Variants in MAML3 observed in about 807,000 individuals in gnomAD.
MAML3 encodes the protein mastermind-like protein 3.
In MAML3, 27 loss-of-function variants were observed where a neutral mutation model predicts 101.9. The ratio of observed to expected loss-of-function variants is 0.27; its 90% CI spans 0.20 to 0.37. MAML3 has a LOEUF of 0.37. MAML3 is among the 10% of genes least tolerant of loss of function. The pLI is 1.00. For synonymous variants in MAML3, 501 were observed against 555.9 expected, an observed-to-expected ratio of 0.90 and a Z score of 1.39; for missense variants, 1,316 against 1,444.9, an observed-to-expected ratio of 0.91 and a Z score of 1.45.
chr4:139,734,021 C>CG, intron 2 of MAML3, among the ~76,000 whole-genome samples: 1 of 152,316 alleles, frequency 6.6e-6, no homozygotes, highest in South Asian at 2.1e-4. Context: ...GACTGCCTTC[C>CG]ATACGAAACA....
At chr4:139,795,135 T>C (rs2111096032) in intron 2 of MAML3, among the ~76,000 whole-genome samples, 1 of 152,338 alleles carries the variant, frequency 6.6e-6, no homozygotes, top group African/African-American at 2.4e-5. Context: ...AGCATGTCAA[T>C]AACCCATCCT....
chr4:139,863,033 CCAGCTACTCAGGAGG>C lies in MAML3; in HGVS notation c.2079+26309_2079+26323del, dbSNP rs1346236567. 5.3e-5 allele frequency among the ~76,000 whole-genome samples: 8 copies of C among 151,554 alleles called. No homozygotes were observed. In the South Asian group the frequency reaches 6.3e-4, roughly 12 times the overall value. On this transcript the variant is annotated intron_variant, in intron 2 of 4. Transcript: ENST00000509479. ...GGCGTGGTGGCAGGTACCTGTAGTC[CCAGCTACTCAGGAGG>C]CTGAGGCAGGAAAGTCGCTTGAACC... is the stretch of plus-strand genomic sequence containing the variant.
intron 1 of MAML3, among the ~76,000 whole-genome samples, chr4:140,071,788 A>AGAGAGAGAG (rs1560884538): frequency 3.9e-4 from 58 of 149,632 alleles, no homozygotes; most frequent in South Asian, 2.1e-3. Flanking sequence ...AGAGAGAGAG[A>AGAGAGAGAG]AGGCACGCAT....
intron 1 of MAML3, among the ~76,000 whole-genome samples, chr4:140,146,712 C>G (rs1729070585): frequency 6.6e-6 from 1 of 151,962 alleles, no homozygotes; most frequent in African/African-American, 2.4e-5. Context: ...TGGCAGATAC[C>G]AATGTCAAAT....
chr4:139,856,508 T>G (rs889298891), intron 2 of MAML3, among the ~76,000 whole-genome samples: 3 of 152,222 alleles, frequency 2.0e-5, no homozygotes, highest in African/African-American at 7.2e-5. Flanking sequence ...CAGGTAGCAC[T>G]CAGAGAGTCA....
chr4:139,833,353 G>C (rs1418891272), intron 2 of MAML3, among the ~76,000 whole-genome samples: 3 of 152,202 alleles, frequency 2.0e-5, no homozygotes, highest in Non-Finnish European at 4.4e-5. Context: ...AGAGACATCT[G>C]TTCCATTACT....
rs141044649 is a variant in MAML3, at chr4:139,929,942, C to A, written c.469-38975G>T. Among the ~76,000 whole-genome samples the A allele has an allele frequency of 8.3e-3, 1,267 of 152,274 alleles. 16 individuals carry two copies. The highest frequency in any genetic ancestry group is 0.029 in the African/African-American group (1,185 of 41,530). ...AAGGAAGTCTGGTGTGAATGCCCAG[C>A]CTTGCCCCAGAGGGGAATGGGTCCT... On this transcript the variant is annotated intron_variant, in intron 1 of 4. Coordinates refer to ENST00000509479, the MANE Select transcript of MAML3 (RefSeq NM_018717.5).
chr4:140,144,279 G>A (rs1457818715), intron 1 of MAML3, among the ~76,000 whole-genome samples: 1 of 152,120 alleles, frequency 6.6e-6, no homozygotes, highest in East Asian at 1.9e-4. Context: ...GGGCTCAGTG[G>A]CTTATGCCTG....
At chr4:139,969,793 C>T (rs1377097667) in intron 1 of MAML3, among the ~76,000 whole-genome samples, 1 of 152,194 alleles carries the variant, frequency 6.6e-6, no homozygotes, top group Non-Finnish European at 1.5e-5. Context: ...CTCAACCTCG[C>T]TGCCACTATA....
intron 1 of MAML3, among the ~76,000 whole-genome samples, chr4:140,109,435 C>A (rs758274339): frequency 9.2e-5 from 14 of 152,216 alleles, no homozygotes; most frequent in Non-Finnish European, 2.1e-4. Flanking sequence ...CCCTAGCCCC[C>A]AAGCAAAGCT....
chr4:140,110,442 C>T (rs980066646), intron 1 of MAML3, among the ~76,000 whole-genome samples: 2 of 152,118 alleles, frequency 1.3e-5, no homozygotes, highest in Admixed American at 6.5e-5. Flanking sequence ...AAGATGGATA[C>T]GCTCTAATAA....
At chr4:140,062,138 T>C (rs887104549) in intron 1 of MAML3, among the ~76,000 whole-genome samples, 3 of 152,220 alleles carry the variant, frequency 2.0e-5, no homozygotes, top group Non-Finnish European at 4.4e-5. Context: ...ATCTCTCTTC[T>C]GGATAGTTCA....
At position 140,008,924 on chromosome 4, in the gene MAML3, G is replaced by A. The variant is rs531111434; in HGVS notation, c.469-117957C>T. On this transcript the variant is annotated intron_variant, in intron 1 of 4. Coordinates refer to ENST00000509479, the MANE Select transcript of MAML3 (RefSeq NM_018717.5). The stretch of plus-strand genomic sequence containing the variant: ...CAATTAATCTGACAGAAAAGGGACC[G>A]CAAAATTGTTCATAAATTATAATTT... 6.6e-5 allele frequency among the ~76,000 whole-genome samples: 10 copies of A among 152,250 alleles called. No individual in the cohort carries two copies. The South Asian group carries it at 1.2e-3, about 19-fold the overall frequency.
At chr4:139,766,127 G>A (rs1221811727) in intron 2 of MAML3, among the ~76,000 whole-genome samples, 2 of 133,586 alleles carry the variant, frequency 1.5e-5, no homozygotes, top group Non-Finnish European at 3.1e-5. Flanking sequence ...CTCACTGGTT[G>A]TTTCGTAAGG....
At chr4:140,004,996 A>G (rs1197781261) in intron 1 of MAML3, among the ~76,000 whole-genome samples, 1 of 152,252 alleles carries the variant, frequency 6.6e-6, no homozygotes, top group Non-Finnish European at 1.5e-5. Flanking sequence ...GAAGAAAACA[A>G]AAGTTCAGCA....
chr4:139,948,266 T>G (rs1010243855), intron 1 of MAML3, among the ~76,000 whole-genome samples: 1 of 152,188 alleles, frequency 6.6e-6, no homozygotes, highest in African/African-American at 2.4e-5. Context: ...TCCTGAGCAC[T>G]TTTGCTTTAT....
At chr4:139,955,843 C>T (rs1183985008) in intron 1 of MAML3, among the ~76,000 whole-genome samples, 1 of 152,182 alleles carries the variant, frequency 6.6e-6, no homozygotes, top group Non-Finnish European at 1.5e-5. Context: ...TACCAGGCTG[C>T]ACCAAACATG....
chr4:140,101,362 T>C (rs928781166), intron 1 of MAML3, among the ~76,000 whole-genome samples: 17 of 152,182 alleles, frequency 1.1e-4, no homozygotes, highest in African/African-American at 3.4e-4. Flanking sequence ...AAGTCACTGA[T>C]GGTCTAGTTG....
chr4:140,051,362 C>T (rs975821387), intron 1 of MAML3, among the ~76,000 whole-genome samples: 3 of 151,904 alleles, frequency 2.0e-5, no homozygotes, highest in Non-Finnish European at 4.4e-5. Flanking sequence ...CGAGACCAGC[C>T]TGGCCAACAT....
Sources: allele counts gnomAD v4.1 joint callset (sites outside exome capture counted in the v4.1 genomes callset), GRCh38; gene constraint gnomAD v4.1.1; transcripts MANE v1.5; gene names NCBI Gene and HGNC (gene_info 2026-07-23, HGNC 2026-07-21).